Variants in ACACB observed in about 807,000 individuals in gnomAD.
ACACB encodes the protein acetyl-CoA carboxylase beta.
ACACB carries 209 observed loss-of-function variants against 278.8 expected under a neutral mutation model. The ratio of observed to expected loss-of-function variants is 0.75; its 90% CI spans 0.67 to 0.84. The LOEUF (loss-of-function observed/expected upper bound fraction) is 0.84. ACACB is among the 40% of genes least tolerant of loss of function. The probability of loss-of-function intolerance (pLI) is 0.00; values close to 1 mark genes in which losing one functional copy is unlikely to be tolerated. For missense variants in ACACB, 2,850 were observed against 3,269.0 expected, an observed-to-expected ratio of 0.87 and a Z score of 3.13; for synonymous variants, 1,174 against 1,285.6, an observed-to-expected ratio of 0.91 and a Z score of 1.86.
chr12:109,195,465 A>T (rs751365298), intron 16 of ACACB, among the ~76,000 whole-genome samples: 1 of 152,122 alleles, frequency 6.6e-6, no homozygotes, highest in African/African-American at 2.4e-5. Flanking sequence ...ACCTTTGGGG[A>T]CCTAGCTGCC....
intron 24 of ACACB, among the ~76,000 whole-genome samples, chr12:109,218,362 C>T (rs1286479943): frequency 9.7e-5 from 14 of 144,798 alleles, no homozygotes; most frequent in African/African-American, 3.6e-4. Context: ...CCACCACGCC[C>T]AGCTAGTTTG....
chr12:109,216,542 C>T, intron 22 of ACACB, 76 bp from the exon 23 acceptor site: 2 of 1,452,432 alleles, frequency 1.4e-6, no homozygotes, highest in Non-Finnish European at 1.9e-6. Flanking sequence ...TTTTAAAAAT[C>T]ATAAAAAAAA....
intron 48 of ACACB, among the ~76,000 whole-genome samples, 180 bp from the exon 49 acceptor site, chr12:109,262,177 A>T (rs2047395694): frequency 6.6e-6 from 1 of 152,148 alleles, no homozygotes; most frequent in African/African-American, 2.4e-5. Flanking sequence ...GTAAAGATAC[A>T]GAGGCCCAGA....
rs1408673157 is a variant in ACACB at position 109,167,621 on chromosome 12, G to GCATATATATATATATATA, written c.787-275_787-274insCATATATATATATATATA. ...CTCAAAAAAAAAAATATATGTATGT[G>GCATATATATATATATATA]TATATATATATATATATATATATAT... On this transcript the variant is annotated intron_variant, in intron 3 of 52. Transcript: ENST00000338432. Among the ~76,000 whole-genome samples, 87 of 77,516 alleles carry GCATATATATATATATATA rather than the reference G, an allele frequency of 1.1e-3. 3 individuals carry two copies. The highest frequency in any genetic ancestry group is 4.1e-3 in the African/African-American group (81 of 19,734). The allele number at this position is 77,516 out of a possible 152,430, so 50.9% of individuals were successfully genotyped here.
Position 109,266,355 on chromosome 12 carries a change from C to G in ACACB, c.7370C>G (p.Ser2457Cys), listed in dbSNP as rs2047518674. 6.2e-7 allele frequency: 1 copy of G among 1,606,202 alleles called. No individual in the cohort carries two copies. The highest frequency in any genetic ancestry group is 8.5e-7 in the Non-Finnish European group (1 of 1,178,076). Residue 2457 changes from serine to cysteine, a missense_variant, in exon 53 of 53, where the codon TCC (serine) becomes TGC (cysteine). Transcript: ENST00000338432. ...CTGTCTACCATGGACAGCCCGGCCT[C>G]CACCTGACCGTGGCCCGCCCAGCCA... ...HLLSTMDSPA[S>C]T
chr12:109,145,541 G>C (rs1194549640), intron 2 of ACACB, among the ~76,000 whole-genome samples: 2 of 151,972 alleles, frequency 1.3e-5, no homozygotes, highest in Non-Finnish European at 2.9e-5. Flanking sequence ...ACTTATAAGT[G>C]AGAACAAGCA....
intron 2 of ACACB, among the ~76,000 whole-genome samples, chr12:109,161,548 A>C (rs1325287817): frequency 6.6e-6 from 1 of 152,104 alleles, no homozygotes; most frequent in African/African-American, 2.4e-5. Context: ...GTCTCAGAAA[A>C]ATAAAATAAA....
chr12:109,151,011 C>G (rs1386020627), intron 2 of ACACB, among the ~76,000 whole-genome samples: 3 of 143,032 alleles, frequency 2.1e-5, no homozygotes, highest in African/African-American at 7.9e-5. Flanking sequence ...CGGAGTCTCG[C>G]TCTGTAGCTC....
rs2047354320 is a variant in ACACB at position 109,260,629 on chromosome 12, A to C, written c.6646A>C (p.Ile2216Leu). 6.3e-7 allele frequency: 1 copy of C among 1,597,286 alleles called. No individual in the cohort carries two copies. ...VIDATINPLC[I>L]EMYADKESRG... ...AGATGCCACCATCAACCCGCTGTGC[A>C]TAGAAATGTATGCAGACAAAGAGAG... The change falls in exon 48 of 53, where the codon ATA (isoleucine) becomes CTA (leucine). Residue 2216 changes from isoleucine to leucine, a missense_variant. Transcript: ENST00000338432.
At chr12:109,137,610 A>G (rs2042999364) in intron 1 of ACACB, among the ~76,000 whole-genome samples, 1 of 151,690 alleles carries the variant, frequency 6.6e-6, no homozygotes, top group Admixed American at 6.6e-5. Context: ...CAGTGAGCTG[A>G]GATTACGCCA....
intron 2 of ACACB, among the ~76,000 whole-genome samples, chr12:109,144,993 C>T (rs2043207766): frequency 6.6e-6 from 1 of 152,016 alleles, no homozygotes; most frequent in Non-Finnish European, 1.5e-5. Flanking sequence ...CATCTCCTGA[C>T]GTCGTGATCC....
chr12:109,241,599 C>T (rs1035311847), intron 36 of ACACB: 5 of 340,708 alleles, frequency 1.5e-5, no homozygotes, highest in South Asian at 1.2e-4. Context: ...CTGCCCGCCT[C>T]GACCTCCAAA....
chr12:109,167,085 C>T, intron 3 of ACACB, 92 bp downstream of exon 3: 1 of 1,555,934 alleles, frequency 6.4e-7, no homozygotes, highest in Non-Finnish European at 8.8e-7. Context: ...GGTTCAGGCT[C>T]ATTCTGCCTG....
chr12:109,214,545 A>G (rs1262056598), intron 22 of ACACB, among the ~76,000 whole-genome samples: 3 of 152,228 alleles, frequency 2.0e-5, no homozygotes, highest in African/African-American at 7.2e-5. Flanking sequence ...TCTAGGAAAA[A>G]TGAACCATTA....
At chr12:109,132,376 G>C (rs2042850692) in intron 1 of ACACB, among the ~76,000 whole-genome samples, 1 of 151,962 alleles carries the variant, frequency 6.6e-6, no homozygotes, top group African/African-American at 2.4e-5. Context: ...TGTTGGCCAG[G>C]CTGGTCTCAA....
chr12:109,202,268 C>T (rs1319398679), intron 19 of ACACB, among the ~76,000 whole-genome samples: 1 of 151,760 alleles, frequency 6.6e-6, no homozygotes, highest in Non-Finnish European at 1.5e-5. Flanking sequence ...GGCCAGTTTC[C>T]CTGTCATTCA....
intron 45 of ACACB, among the ~76,000 whole-genome samples, chr12:109,257,527 AC>A (rs2047260014): frequency 6.6e-6 from 1 of 152,034 alleles, no homozygotes; most frequent in East Asian, 1.9e-4. Context: ...TGATGTCTAG[AC>A]CAGTGTAGTA....
intron 22 of ACACB, among the ~76,000 whole-genome samples, chr12:109,213,808 G>A (rs1362973591): frequency 6.6e-6 from 1 of 151,884 alleles, no homozygotes; most frequent in Admixed American, 6.6e-5. Flanking sequence ...CATCATGTTA[G>A]CCAGGATGGT....
chr12:109,123,569 T>A (rs995445281), intron 1 of ACACB, among the ~76,000 whole-genome samples: 6 of 151,918 alleles, frequency 3.9e-5, no homozygotes, highest in African/African-American at 1.2e-4. Flanking sequence ...GGCATGCACC[T>A]GTAATCCCAA....
Sources: gnomAD v4.1 joint callset for allele counts (sites outside exome capture counted in the v4.1 genomes callset) on GRCh38, gnomAD v4.1.1 for gene constraint, MANE v1.5 for transcripts, NCBI Gene and HGNC (gene_info 2026-07-23, HGNC 2026-07-21) for gene names.